PRKCQ: variants seen among roughly 807,000 people sequenced by gnomAD.
PRKCQ encodes protein kinase C theta type.
PRKCQ carries 41 observed loss-of-function variants against 91.2 expected under a neutral mutation model. That is an observed-to-expected ratio of 0.45 (90% confidence interval 0.35 to 0.58). The LOEUF (loss-of-function observed/expected upper bound fraction) is 0.58. Among genes scored for constraint, PRKCQ ranks in the 20% least tolerant of loss-of-function variants. PRKCQ has a pLI of 0.00. For missense variants in PRKCQ, 673 were observed against 896.5 expected (o/e 0.75, Z 3.18); for synonymous variants, 307 against 316.9 (o/e 0.97, Z 0.33).
intron 1 of PRKCQ, among the ~76,000 whole-genome samples, chr10:6,543,375 G>GAAAACA (rs1015803603): frequency 2.0e-5 from 3 of 152,134 alleles, no homozygotes; most frequent in East Asian, 1.9e-4. Context: ...CCAGACAGAG[G>GAAAACA]AAAACAAAAA....
intron 15 of PRKCQ, among the ~76,000 whole-genome samples, chr10:6,448,829 G>C (rs1834476041): frequency 6.6e-6 from 1 of 152,032 alleles, no homozygotes; most frequent in Non-Finnish European, 1.5e-5. Context: ...ACAGGGTCTG[G>C]AGTGGACCTC....
chr10:6,428,173 G>A lies in PRKCQ; in HGVS notation c.*34C>T. On this transcript the variant is annotated 3_prime_UTR_variant, in exon 18 of 18. Coordinates refer to ENST00000263125, the MANE Select transcript of PRKCQ (RefSeq NM_006257.5). ...CTCTTGAACCAGTTCCCAGGGAGAA[G>A]GCAAATTCTTTCCTGTCTCTGGAGG... 6.2e-7 allele frequency: 1 copy of A among 1,613,644 alleles called. No individual in the cohort carries two copies. Among genetic ancestry groups the A allele is most frequent in the Non-Finnish European group, 8.5e-7 (1 of 1,179,868 alleles).
intron 15 of PRKCQ, among the ~76,000 whole-genome samples, chr10:6,449,402 G>A (rs1200354705): frequency 3.9e-5 from 6 of 152,020 alleles, no homozygotes; most frequent in East Asian, 1.9e-4. Context: ...AAAAAGAAAC[G>A]AACAAAGCCT....
intron 12 of PRKCQ, among the ~76,000 whole-genome samples, chr10:6,467,611 G>A (rs113948081): frequency 3.9e-5 from 6 of 152,130 alleles, no homozygotes; most frequent in East Asian, 1.9e-4. Flanking sequence ...TGCCAAACGC[G>A]TCCCAGTCTT....
chr10:6,563,688 C>T (rs755272340), intron 1 of PRKCQ, among the ~76,000 whole-genome samples: 19 of 152,140 alleles, frequency 1.2e-4, no homozygotes, highest in Non-Finnish European at 2.6e-4. Context: ...GGTCTTTTCC[C>T]TCCGACACTC....
At chr10:6,473,733 G>A (rs1358995899) in intron 12 of PRKCQ, among the ~76,000 whole-genome samples, 1 of 152,146 alleles carries the variant, frequency 6.6e-6, no homozygotes, top group Non-Finnish European at 1.5e-5. Flanking sequence ...GCATTTTTGA[G>A]AGCTTCAGAT....
the PRKCQ span, among the ~76,000 whole-genome samples, chr10:6,395,061 T>TTTTTG: frequency 3.5e-5 from 5 of 144,336 alleles, no homozygotes; most frequent in Non-Finnish European, 4.6e-5. Context: ...GGAGTCTTTT[T>TTTTTG]TTTTTTTTTT....
intron 8 of PRKCQ, among the ~76,000 whole-genome samples, chr10:6,489,746 G>C (rs1564345430): frequency 6.6e-6 from 1 of 151,960 alleles, no homozygotes; most frequent in Admixed American, 6.6e-5. Flanking sequence ...AAAAAGGGGA[G>C]GGGAGCACTT....
chr10:6,506,404 A>T (rs1838205841), intron 4 of PRKCQ, among the ~76,000 whole-genome samples: 1 of 152,224 alleles, frequency 6.6e-6, no homozygotes, highest in African/African-American at 2.4e-5. Flanking sequence ...ATGGTATCAT[A>T]TTATTTTATC....
Position 6,430,100 on chromosome 10 carries a change from C to G in PRKCQ, c.1965+710G>C, listed in dbSNP as rs1036383882. ...GAACTCCTGACCTCAGGTGATCCAC[C>G]CGCCTCGGCTTTCCAAAGTGCTGGG... On this transcript the variant is annotated intron_variant, in intron 17 of 17. Coordinates refer to ENST00000263125, the MANE Select transcript of PRKCQ (RefSeq NM_006257.5). This position sits in a 1 kb window ranked among gnomAD's most constrained non-coding sequence, Gnocchi z 4.7. Among the ~76,000 whole-genome samples, 1 of 152,204 alleles carries G rather than the reference C, an allele frequency of 6.6e-6. No homozygotes were observed. Among genetic ancestry groups the G allele is most frequent in the African/African-American group, 2.4e-5 (1 of 41,446 alleles).
intron 15 of PRKCQ, among the ~76,000 whole-genome samples, chr10:6,455,425 A>G (rs958374826): frequency 6.6e-6 from 1 of 152,232 alleles, no homozygotes; most frequent in Non-Finnish European, 1.5e-5. Context: ...TTCAAATTAC[A>G]TATCACCCAA....
At chr10:6,485,976 G>A (rs1463187462) in intron 9 of PRKCQ, 59 bp downstream of exon 9, 3 of 1,417,422 alleles carry the variant, frequency 2.1e-6, no homozygotes. Context: ...CAGCAGAAGT[G>A]CATGGACATC....
intron 12 of PRKCQ, among the ~76,000 whole-genome samples, chr10:6,471,334 A>T (rs929051776): frequency 1.3e-5 from 2 of 152,242 alleles, no homozygotes; most frequent in Non-Finnish European, 2.9e-5. Flanking sequence ...TACAGGAGCA[A>T]AATCATCTTT....
chr10:6,429,092 G>T (rs1266163168), intron 17 of PRKCQ, among the ~76,000 whole-genome samples: 2 of 152,226 alleles, frequency 1.3e-5, no homozygotes, highest in African/African-American at 4.8e-5. Flanking sequence ...ACACAGAGAA[G>T]CGAAATGAAG....
rs1435276637 is a variant in PRKCQ, at chr10:6,427,995, A to C, written c.*212T>G. On this transcript the variant is annotated 3_prime_UTR_variant, in exon 18 of 18. Coordinates refer to ENST00000263125, the MANE Select transcript of PRKCQ (RefSeq NM_006257.5). ...ACCTAACTTCAGGAGCGTCTGTGAGACATGTCAGGAGACGAGACACACGGC... is the reference window on the plus strand; with the variant it reads ...ACCTAACTTCAGGAGCGTCTGTGAGCCATGTCAGGAGACGAGACACACGGC... 2 of 592,198 alleles carry C rather than the reference A, an allele frequency of 3.4e-6. No homozygotes were observed. Among genetic ancestry groups the C allele is most frequent in the Non-Finnish European group, 5.9e-6 (2 of 340,058 alleles). 36.7% of individuals were successfully genotyped at this position (592,198 alleles called of 1,614,324 possible).
chr10:6,429,232 T>C (rs1267872017), intron 17 of PRKCQ, among the ~76,000 whole-genome samples: 1 of 152,196 alleles, frequency 6.6e-6, no homozygotes, highest in Non-Finnish European at 1.5e-5. Context: ...AGATCAAAGT[T>C]TTGATTTTTA....
chr10:6,563,598 CT>C lies in PRKCQ; in HGVS notation c.-10+16612del, dbSNP rs1840715329. On this transcript the variant is annotated intron_variant, in intron 1 of 17. Coordinates refer to ENST00000263125, the MANE Select transcript of PRKCQ (RefSeq NM_006257.5). ...CTCCAATTGCAGTCTAAGCCCACCG[CT>C]TTGTTCCTCCTCTTCCTGCCTCCCC... 2.0e-5 allele frequency among the ~76,000 whole-genome samples: 3 copies of C among 152,320 alleles called. No homozygotes were observed. The South Asian group carries it at 6.2e-4, about 32-fold the overall frequency.
intron 1 of PRKCQ, among the ~76,000 whole-genome samples, chr10:6,548,139 T>C (rs1463978343): frequency 6.6e-6 from 1 of 151,788 alleles, no homozygotes; most frequent in Non-Finnish European, 1.5e-5. Flanking sequence ...AAAATGCTCA[T>C]CATCACTGGC....
intron 2 of PRKCQ, among the ~76,000 whole-genome samples, chr10:6,512,865 T>C (rs118084393): frequency 0.012 from 1,832 of 152,258 alleles, 20 homozygotes; most frequent in Non-Finnish European, 0.021. Flanking sequence ...GGGACATTTT[T>C]TGTGGGTTGG....
Sources: gnomAD v4.1 joint callset for allele counts (sites outside exome capture counted in the v4.1 genomes callset) on GRCh38, gnomAD v4.1.1 for gene constraint, Gnocchi (gnomAD v3.1) non-coding constraint, MANE v1.5 for transcripts, NCBI Gene and HGNC (gene_info 2026-07-23, HGNC 2026-07-21) for gene names.